B3GALT1: variants seen among roughly 807,000 people sequenced by gnomAD.
B3GALT1 encodes the protein UDP-Gal:betaGlcNAc beta 1,3-galactosyltransferase, polypeptide 1.
In B3GALT1, 10 loss-of-function variants were observed where a neutral mutation model predicts 23.2. The ratio of observed to expected loss-of-function variants is 0.43; its 90% CI spans 0.27 to 0.73. B3GALT1 has a LOEUF of 0.73. B3GALT1 is among the 30% of genes least tolerant of loss of function. The pLI is 0.21. For missense variants in B3GALT1, 299 were observed against 405.4 expected (o/e 0.74, Z 2.25); for synonymous variants, 156 against 141.5 (o/e 1.10, Z -0.73).
At chr2:167,815,059 G>C (rs1469185520) in intron 3 of B3GALT1, 1 of 152,236 alleles carries the variant, frequency 6.6e-6, no homozygotes, top group Non-Finnish European at 1.5e-5. Flanking sequence ...AACCATCCCA[G>C]CCCCAGAGCT....
At chr2:167,510,268 A>T (rs1045620611) in intron 2 of B3GALT1, among the ~76,000 whole-genome samples, 3 of 152,172 alleles carry the variant, frequency 2.0e-5, no homozygotes, top group African/African-American at 7.2e-5. Context: ...TGAGAGATTA[A>T]GAAATATATG....
chr2:167,638,797 C>G (rs1299183182), intron 2 of B3GALT1, among the ~76,000 whole-genome samples: 1 of 151,964 alleles, frequency 6.6e-6, no homozygotes, highest in African/African-American at 2.4e-5. Flanking sequence ...TCAAGTCTTT[C>G]TTGAATATCA....
chr2:167,555,422 C>A (rs528097016), intron 2 of B3GALT1, among the ~76,000 whole-genome samples: 2 of 152,256 alleles, frequency 1.3e-5, no homozygotes, highest in South Asian at 4.1e-4. Context: ...TCCCGTGTTA[C>A]TAGGATAAAG....
chr2:167,476,539 G>GT (rs973554244), intron 1 of B3GALT1, among the ~76,000 whole-genome samples: 5 of 152,064 alleles, frequency 3.3e-5, no homozygotes, highest in African/African-American at 1.2e-4. Context: ...CAGCTTCTTG[G>GT]TTTTTCCTTT....
intron 1 of B3GALT1, among the ~76,000 whole-genome samples, chr2:167,322,115 G>A (rs977731217): frequency 2.0e-5 from 3 of 151,904 alleles, no homozygotes; most frequent in Non-Finnish European, 2.9e-5. Context: ...AAGAAATTTA[G>A]GATCTGGTTA....
chr2:167,559,934 A>T (rs1683938580), intron 2 of B3GALT1, among the ~76,000 whole-genome samples: 1 of 152,232 alleles, frequency 6.6e-6, no homozygotes, highest in African/African-American at 2.4e-5. Flanking sequence ...GCCAACGTTC[A>T]GATTCAGGAA....
chr2:167,537,132 T>A (rs1415873793), intron 2 of B3GALT1, among the ~76,000 whole-genome samples: 1 of 152,138 alleles, frequency 6.6e-6, no homozygotes, highest in Non-Finnish European at 1.5e-5. Flanking sequence ...GGCCTCACAA[T>A]CATGGCAGAA....
intron 3 of B3GALT1, among the ~76,000 whole-genome samples, chr2:167,664,372 G>A (rs1686132545): frequency 1.3e-5 from 2 of 151,640 alleles, no homozygotes; most frequent in African/African-American, 4.9e-5. Context: ...TAGCTTTGTA[G>A]TATAGTTTGA....
intron 1 of B3GALT1, among the ~76,000 whole-genome samples, chr2:167,384,711 C>T (rs575707075): frequency 6.6e-6 from 1 of 152,238 alleles, no homozygotes; most frequent in South Asian, 2.1e-4. Flanking sequence ...TGCATTATTG[C>T]CATAGCGTTT....
intron 1 of B3GALT1, among the ~76,000 whole-genome samples, chr2:167,372,802 C>T (rs867530107): frequency 2.6e-5 from 4 of 151,738 alleles, no homozygotes; most frequent in Middle Eastern, 3.2e-3. Context: ...AACTAGAAAA[C>T]GTTGCTGAAT....
At chr2:167,765,204 G>A (rs1038946210) in intron 3 of B3GALT1, among the ~76,000 whole-genome samples, 1 of 152,156 alleles carries the variant, frequency 6.6e-6, no homozygotes, top group Admixed American at 6.5e-5. Context: ...CCTTCTGACT[G>A]GTGATTCACT....
chr2:167,819,080 G>GAAA (rs1282681036), intron 4 of B3GALT1, among the ~76,000 whole-genome samples: 1 of 151,892 alleles, frequency 6.6e-6, no homozygotes, highest in African/African-American at 2.4e-5. Flanking sequence ...AGATACAGGA[G>GAAA]AAAAAAACTC....
At chr2:167,469,970 T>C (rs1364567015) in intron 1 of B3GALT1, among the ~76,000 whole-genome samples, 2 of 152,214 alleles carry the variant, frequency 1.3e-5, no homozygotes, top group African/African-American at 4.8e-5. Flanking sequence ...TCCCACAATG[T>C]TGATTCTCAA....
intron 2 of B3GALT1, among the ~76,000 whole-genome samples, chr2:167,509,664 C>T (rs1023941420): frequency 1.3e-5 from 2 of 152,174 alleles, no homozygotes; most frequent in African/African-American, 4.8e-5. Flanking sequence ...AAGACCTTGA[C>T]ACGAGAGAAT....
intron 1 of B3GALT1, among the ~76,000 whole-genome samples, chr2:167,335,078 G>T (rs1451017468): frequency 6.6e-6 from 1 of 151,860 alleles, no homozygotes; most frequent in African/African-American, 2.4e-5. Context: ...TTTGTAGCTT[G>T]ACTTACATGA....
In B3GALT1 at chr2:167,872,745, TAAAG is replaced by T. The variant is rs1459535955; in HGVS notation, c.*2728_*2731del. 6.6e-6 allele frequency: 1 copy of T among 152,238 alleles called. No individual in the cohort carries two copies. The highest frequency in any genetic ancestry group is 2.4e-5 in the African/African-American group (1 of 41,460). The allele number at this position is 152,238 out of a possible 1,614,324, so 9.4% of individuals were successfully genotyped here. A position where few individuals can be genotyped will look rare whatever the true frequency, so the allele number is the denominator to read the frequency against. ...GCAAAAATCAGAGAATCGTATGTCT[TAAAG>T]AACTATTTCCTTACTTTTTTATGCT... On this transcript the variant is annotated 3_prime_UTR_variant, in exon 5 of 5. Transcript: ENST00000392690.
chr2:167,656,613 A>G (rs970437566), intron 3 of B3GALT1, among the ~76,000 whole-genome samples: 1 of 152,190 alleles, frequency 6.6e-6, no homozygotes, highest in Non-Finnish European at 1.5e-5. Context: ...TGGAAAGAAA[A>G]AGGCATCAAA....
chr2:167,499,767 G>A (rs1161654341), intron 2 of B3GALT1, among the ~76,000 whole-genome samples: 1 of 152,072 alleles, frequency 6.6e-6, no homozygotes, highest in Non-Finnish European at 1.5e-5. Flanking sequence ...ACACCTCAGT[G>A]CCCTACATTA....
At chr2:167,522,286 T>C (rs1242354519) in intron 2 of B3GALT1, among the ~76,000 whole-genome samples, 3 of 152,028 alleles carry the variant, frequency 2.0e-5, no homozygotes, top group Non-Finnish European at 4.4e-5. Flanking sequence ...AAACTAAATA[T>C]ACAAAATCTT....
Sources: allele counts gnomAD v4.1 joint callset (sites outside exome capture counted in the v4.1 genomes callset), GRCh38; gene constraint gnomAD v4.1.1; transcripts MANE v1.5; gene names NCBI Gene and HGNC (gene_info 2026-07-23, HGNC 2026-07-21).